Variants in OSBP observed in about 807,000 individuals in gnomAD.
OSBP encodes oxysterol-binding protein 1.
A neutral mutation model predicts 96.6 loss-of-function variants in OSBP; 32 were observed. The ratio of observed to expected loss-of-function variants is 0.33; its 90% confidence interval spans 0.25 to 0.45. The LOEUF is 0.45. Ranked by LOEUF, OSBP falls within the 20% of genes least tolerant of loss-of-function variation. The probability of loss-of-function intolerance (pLI) is 1.00; values close to 1 mark genes in which losing one functional copy is unlikely to be tolerated. For synonymous variants in OSBP, 369 were observed against 389.6 expected (o/e 0.95, Z 0.62); for missense variants, 653 against 1,029.7 (o/e 0.63, Z 5.01).
intron 11 of OSBP, among the ~76,000 whole-genome samples, chr11:59,579,108 T>A (rs1453822823): frequency 6.6e-6 from 1 of 152,160 alleles, no homozygotes; most frequent in Non-Finnish European, 1.5e-5. Context: ...AGCAAAAGCA[T>A]CTGACTGGTA....
chr11:59,578,184 T>C lies in OSBP; in HGVS notation c.2025A>G (p.Glu675=). ...TCCTTTTCCACAGCATGACCCTGCT[T>C]TCCTCTGCTTCATGGCCTCTCTGTC... ...DARQRGHEAE[E]SRVMLWKRNP... is the part of the protein sequence containing the mutation. Residue 675 remains glutamate (E), a synonymous_variant, in exon 12 of 14, where the codon GAA becomes GAG. Transcript: ENST00000263847. 6.2e-7 allele frequency: 1 copy of C among 1,614,194 alleles called. No homozygotes were observed. The highest frequency in any genetic ancestry group is 8.5e-7 in the Non-Finnish European group (1 of 1,180,042).
At chr11:59,607,259 G>T (rs2134674679) in intron 3 of OSBP, among the ~76,000 whole-genome samples, 1 of 152,200 alleles carries the variant, frequency 6.6e-6, no homozygotes, top group East Asian at 1.9e-4. Context: ...ATCACAAGGG[G>T]ACTGGAAAAC....
Position 59,608,589 on chromosome 11 carries a change from G to A in OSBP, c.717C>T (p.Leu239=). The stretch of plus-strand genomic sequence containing the variant: ...GCAACTTCAGGGACTCCAGCTCACT[G>A]AGAGAACGCTGCAGAGCTGTGCCAT... The part of the protein sequence containing the change: ...AKHGTALQRS[L]SELESLKLPA... Residue 239 remains leucine, a synonymous_variant, in exon 3 of 14, where the codon CTC becomes CTT. Coordinates refer to ENST00000263847, the MANE Select transcript of OSBP (RefSeq NM_002556.3). The A allele has an allele frequency of 6.2e-7, 1 of 1,614,156 alleles. No homozygotes were observed. Among genetic ancestry groups the A allele is most frequent in the South Asian group, 1.1e-5 (1 of 91,080 alleles).
In OSBP at chr11:59,576,700, A is replaced by G. The variant is rs1234615760; in HGVS notation, c.2301T>C (p.Tyr767=). The change falls in exon 14 of 14, where the codon TAT becomes TAC. Residue 767 remains tyrosine (Y), a synonymous_variant. Transcript: ENST00000263847. ...ATEDGTPYDP[Y]KALWFERKKD... is the part of the protein sequence containing the mutation. ...TCTTCCGCTCAAACCACAGTGCCTTATAGGGATCATATGGTGTGCCTAAAA... is the reference window on the plus strand; with the variant it reads ...TCTTCCGCTCAAACCACAGTGCCTTGTAGGGATCATATGGTGTGCCTAAAA... 2 of 1,613,916 alleles carry G rather than the reference A, an allele frequency of 1.2e-6. No individual in the cohort carries two copies. Among genetic ancestry groups the G allele is most frequent in the Non-Finnish European group, 1.7e-6 (2 of 1,179,970 alleles).
chr11:59,605,520 C>T (rs1860771563), intron 3 of OSBP, among the ~76,000 whole-genome samples: 1 of 152,050 alleles, frequency 6.6e-6, no homozygotes, highest in African/African-American at 2.4e-5. Flanking sequence ...TCAAGTGATT[C>T]TCATGCCTCA....
In OSBP at chr11:59,578,069, G is replaced by A. The variant is rs776755242; in HGVS notation, c.2060+80C>T. 88 of 1,298,344 alleles carry A rather than the reference G, an allele frequency of 6.8e-5. 1 individual carries two copies. Among genetic ancestry groups the A allele is most frequent in the Non-Finnish European group, 9.5e-5 (86 of 909,328 alleles). 80.4% of individuals were successfully genotyped at this position (1,298,344 alleles called of 1,614,324 possible). On this transcript the variant is annotated intron_variant, in intron 12 of 13. Coordinates refer to ENST00000263847, the MANE Select transcript of OSBP (RefSeq NM_002556.3). ...CAATTCCCCACATAATTAAGTGAGA[G>A]GGCAGGCAGAAATGCCTTCAATATT... is the stretch of plus-strand genomic sequence containing the variant.
chr11:59,589,540 G>T (rs1201489188), intron 9 of OSBP, among the ~76,000 whole-genome samples: 1 of 151,862 alleles, frequency 6.6e-6, no homozygotes, highest in Non-Finnish European at 1.5e-5. Flanking sequence ...GGCGGAGGTT[G>T]CAATAAGCAG....
chr11:59,591,459 A>G (rs1255641778), intron 9 of OSBP, among the ~76,000 whole-genome samples: 1 of 152,206 alleles, frequency 6.6e-6, no homozygotes, highest in African/African-American at 2.4e-5. Context: ...GGTGCAAAGT[A>G]TCTGCATCTA....
chr11:59,594,351 AGAGG>A, intron 7 of OSBP, 96 bp from the exon 8 acceptor site: 1 of 1,250,260 alleles, frequency 8.0e-7, no homozygotes, highest in Non-Finnish European at 1.1e-6. Flanking sequence ...CACTGGGAAA[AGAGG>A]GCTTTGCTCA....
intron 9 of OSBP, among the ~76,000 whole-genome samples, chr11:59,590,470 T>C (rs473490): frequency 0.17 from 26,020 of 152,142 alleles, 4,071 homozygotes; most frequent in African/African-American, 0.41. Context: ...CTATCTATGC[T>C]TAGTTTTCTT....
chr11:59,609,634 G>A (rs1217641812), intron 2 of OSBP, among the ~76,000 whole-genome samples: 1 of 152,136 alleles, frequency 6.6e-6, no homozygotes, highest in Non-Finnish European at 1.5e-5. Flanking sequence ...GAAATGACAG[G>A]GGATAAGATA....
At chr11:59,610,657 C>T in intron 1 of OSBP, 68 bp from the exon 2 acceptor site, 1 of 1,259,674 alleles carries the variant, frequency 7.9e-7, no homozygotes, top group Non-Finnish European at 1.2e-6. Flanking sequence ...CATTCCATTT[C>T]TTTTCATAAC....
chr11:59,579,505 G>T (rs1266023493), intron 11 of OSBP, among the ~76,000 whole-genome samples: 1 of 150,808 alleles, frequency 6.6e-6, no homozygotes, highest in African/African-American at 2.4e-5. Flanking sequence ...GGCTAATTTT[G>T]TATTTTTCGT....
chr11:59,590,781 T>C (rs1171172128), intron 9 of OSBP, among the ~76,000 whole-genome samples: 1 of 152,228 alleles, frequency 6.6e-6, no homozygotes, highest in Non-Finnish European at 1.5e-5. Context: ...TCTCTGAGAA[T>C]TGAGTGCCAT....
chr11:59,600,511 A>G lies in OSBP; in HGVS notation c.1296T>C (p.Ser432=), dbSNP rs1235604528. The G allele has an allele frequency of 1.2e-6, 2 of 1,613,866 alleles. No homozygotes were observed. Among genetic ancestry groups the G allele is most frequent in the African/African-American group, 1.3e-5 (1 of 74,898 alleles). ...IMKNCIGKEL[S]KIPMPVNFNE... ...AGAACCTTACCGGCATGGGGATCTT[A>G]GAGAGTTCTTTTCCAATGCAGTTCT... The change falls in exon 7 of 14, where the codon TCT becomes TCC. Residue 432 remains serine (S), a synonymous_variant. Coordinates refer to ENST00000263847, the MANE Select transcript of OSBP (RefSeq NM_002556.3).
intron 9 of OSBP, among the ~76,000 whole-genome samples, chr11:59,589,999 T>C (rs958698961): frequency 6.6e-6 from 1 of 151,746 alleles, no homozygotes; most frequent in African/African-American, 2.4e-5. Context: ...AAAAAAGAAA[T>C]TCATATTTGC....
chr11:59,607,280 G>A (rs1017476891), intron 3 of OSBP, among the ~76,000 whole-genome samples: 2 of 152,154 alleles, frequency 1.3e-5, no homozygotes, highest in Non-Finnish European at 2.9e-5. Flanking sequence ...CAGGCACACA[G>A]TCTCCAGGAA....
At chr11:59,591,665 G>A (rs1195488208) in intron 9 of OSBP, among the ~76,000 whole-genome samples, 2 of 148,284 alleles carry the variant, frequency 1.3e-5, no homozygotes, top group Non-Finnish European at 3.0e-5. Context: ...TTGTCGCCCA[G>A]GCTGGAGTGA....
intron 12 of OSBP, among the ~76,000 whole-genome samples, chr11:59,577,360 T>C (rs925885118): frequency 1.3e-5 from 2 of 152,182 alleles, no homozygotes; most frequent in Admixed American, 6.5e-5. Flanking sequence ...TAACTCTCTC[T>C]GGGATAATCT....
Sources: allele counts gnomAD v4.1 joint callset (sites outside exome capture counted in the v4.1 genomes callset), GRCh38; gene constraint gnomAD v4.1.1; transcripts MANE v1.5; gene names NCBI Gene and HGNC (gene_info 2026-07-23, HGNC 2026-07-21).